Variants in RBM25 observed in about 807,000 individuals in gnomAD.
RBM25 encodes RNA binding motif protein 25, also known as RNA-binding protein 25.
RBM25 carries 19 observed loss-of-function variants against 120.7 expected under a neutral mutation model. The ratio of observed to expected loss-of-function variants is 0.16; its 90% confidence interval spans 0.11 to 0.23. The LOEUF is 0.23. RBM25 is among the 10% of genes least tolerant of loss of function. The pLI, the probability that RBM25 is intolerant of heterozygous loss-of-function variation, is 1.00. For missense variants in RBM25, 605 were observed against 1,041.5 expected, an observed-to-expected ratio of 0.58 and a Z score of 5.77; for synonymous variants, 390 against 326.7, an observed-to-expected ratio of 1.19 and a Z score of -2.09.
chr14:73,063,519 A>G (rs1315798665), intron 1 of RBM25, among the ~76,000 whole-genome samples: 1 of 151,456 alleles, frequency 6.6e-6, no homozygotes. Context: ...AATATTTTAA[A>G]AAATGCTATG....
At chr14:73,078,804 A>G (rs557459839) in intron 4 of RBM25, among the ~76,000 whole-genome samples, 1 of 152,168 alleles carries the variant, frequency 6.6e-6, no homozygotes, top group African/African-American at 2.4e-5. Context: ...AGGTTTCATC[A>G]TGTTATCCAG....
In RBM25 at chr14:73,099,735, C is replaced by A; in HGVS notation, c.852C>A (p.Phe284Leu). 1 of 1,609,558 alleles carries A rather than the reference C, an allele frequency of 6.2e-7. No homozygotes were observed. The highest frequency in any genetic ancestry group is 8.5e-7 in the Non-Finnish European group (1 of 1,178,900). Reference protein sequence around the residue: ...RDLISREISKFRDTHKKLEEE... With the variant: ...RDLISREISKLRDTHKKLEEE... ...TGATATCTCGAGAGATCAGCAAATT[C>A]AGAGACACACATAAGGTAGTATTCT... The change falls in exon 9 of 19, where the codon TTC (phenylalanine) becomes TTA (leucine). Residue 284 changes from phenylalanine (F) to leucine (L), a missense_variant. Phe to Leu is a conservative substitution (Grantham distance 22). Transcript: ENST00000261973.
At chr14:73,097,198 T>TTC in intron 7 of RBM25, 98 bp downstream of exon 7, 1 of 507,708 alleles carries the variant, frequency 2.0e-6, no homozygotes. Flanking sequence ...TTTCTTTTCT[T>TTC]TTTTTTTTTT....
At chr14:73,071,282 T>C (rs1176368509) in intron 1 of RBM25, among the ~76,000 whole-genome samples, 1 of 151,706 alleles carries the variant, frequency 6.6e-6, no homozygotes, top group Non-Finnish European at 1.5e-5. Context: ...TAAAAACTAT[T>C]AGATACCCAT....
intron 6 of RBM25, among the ~76,000 whole-genome samples, chr14:73,090,966 T>C (rs1566591528): frequency 6.6e-6 from 1 of 152,240 alleles, no homozygotes; most frequent in African/African-American, 2.4e-5. Flanking sequence ...ACAGAAATGT[T>C]TGAAATAAGA....
chr14:73,099,828 C>T (rs2140452462), intron 9 of RBM25, 78 bp downstream of exon 9: 1 of 1,479,946 alleles, frequency 6.8e-7, no homozygotes, highest in Non-Finnish European at 8.9e-7. Context: ...AAAAAATCAA[C>T]CTTAAATTAG....
chr14:73,073,382 G>A (rs1895339030), intron 2 of RBM25, among the ~76,000 whole-genome samples: 2 of 152,204 alleles, frequency 1.3e-5, no homozygotes, highest in East Asian at 1.9e-4. Context: ...AGAATTTGGG[G>A]AAAATCATAA....
At position 73,111,511 on chromosome 14, in the gene RBM25, G is replaced by A. The variant is rs748113316; in HGVS notation, c.2018-17G>A. On this transcript the variant is annotated splice_polypyrimidine_tract_variant and intron_variant, in intron 15 of 18. Coordinates refer to ENST00000261973, the MANE Select transcript of RBM25 (RefSeq NM_021239.3). ...TGGAAATTAAGTCATCTTGCTAAGA[G>A]AGTGTTTTTACTGTAGGTGCTTCCA... The A allele has an allele frequency of 6.4e-7, 1 of 1,570,278 alleles. No individual in the cohort carries two copies. The highest frequency in any genetic ancestry group is 8.6e-7 in the Non-Finnish European group (1 of 1,162,762).
At chr14:73,070,152 A>G (rs1895247972) in intron 1 of RBM25, among the ~76,000 whole-genome samples, 1 of 150,738 alleles carries the variant, frequency 6.6e-6, no homozygotes, top group African/African-American at 2.4e-5. Flanking sequence ...ATTACAAGTG[A>G]TTCTCCTGCC....
chr14:73,073,560 A>T (rs1420148055), intron 2 of RBM25, among the ~76,000 whole-genome samples: 1 of 152,096 alleles, frequency 6.6e-6, no homozygotes, highest in Admixed American at 6.6e-5. Flanking sequence ...GTGGTGGCTC[A>T]GGCGTGAATC....
intron 6 of RBM25, among the ~76,000 whole-genome samples, chr14:73,092,008 C>T (rs913937717): frequency 6.6e-6 from 1 of 152,032 alleles, no homozygotes; most frequent in African/African-American, 2.4e-5. Flanking sequence ...TCTGAGTGCC[C>T]TTTGGCTTCT....
chr14:73,085,861 G>T (rs116535378), intron 5 of RBM25, among the ~76,000 whole-genome samples: 1 of 151,988 alleles, frequency 6.6e-6, no homozygotes, highest in South Asian at 2.1e-4. Context: ...TTTTTCTTTT[G>T]AATTATTGTG....
intron 18 of RBM25, among the ~76,000 whole-genome samples, chr14:73,115,160 G>A (rs1366471392): frequency 7.5e-6 from 1 of 133,702 alleles, no homozygotes; most frequent in Non-Finnish European, 1.6e-5. Flanking sequence ...ATACGTGTGT[G>A]TGTGTGTGTG....
intron 7 of RBM25, among the ~76,000 whole-genome samples, chr14:73,098,191 G>T (rs945214757): frequency 6.6e-6 from 1 of 152,186 alleles, no homozygotes; most frequent in Non-Finnish European, 1.5e-5. Flanking sequence ...GGATGGTGGC[G>T]CAATTACGGC....
chr14:73,090,587 C>T (rs1218039121), intron 6 of RBM25, among the ~76,000 whole-genome samples: 1 of 152,228 alleles, frequency 6.6e-6, no homozygotes, highest in Admixed American at 6.5e-5. Flanking sequence ...TAGTTTCTGT[C>T]AGACAGAATT....
intron 1 of RBM25, chr14:73,068,635 C>A (rs1175842232): frequency 2.4e-6 from 1 of 420,564 alleles, no homozygotes; most frequent in East Asian, 5.7e-5. Flanking sequence ...ATCCCAAGCT[C>A]TCTGTCCAAA....
At chr14:73,085,968 C>T (rs1311201904) in intron 5 of RBM25, among the ~76,000 whole-genome samples, 1 of 151,208 alleles carries the variant, frequency 6.6e-6, no homozygotes, top group Non-Finnish European at 1.5e-5. Context: ...TGTCTCTGCA[C>T]TTTACATCTC....
At chr14:73,069,365 G>A in intron 1 of RBM25, among the ~76,000 whole-genome samples, 1 of 152,226 alleles carries the variant, frequency 6.6e-6, no homozygotes, top group East Asian at 1.9e-4. Flanking sequence ...TGGGGGCAAG[G>A]AAGTGGAAGA....
intron 1 of RBM25, 24 bp from the exon 2 acceptor site, chr14:73,071,603 T>G: frequency 6.8e-7 from 1 of 1,470,840 alleles, no homozygotes; most frequent in Non-Finnish European, 9.5e-7. Context: ...AATAAAATGA[T>G]TTGTCATGTC....
Sources: gnomAD v4.1 joint callset for allele counts (sites outside exome capture counted in the v4.1 genomes callset) on GRCh38, gnomAD v4.1.1 for gene constraint, MANE v1.5 for transcripts, NCBI Gene and HGNC (gene_info 2026-07-23, HGNC 2026-07-21) for gene names.